CCDC15: variants seen among roughly 807,000 people sequenced by gnomAD.
CCDC15 encodes the protein coiled-coil domain containing 15, also known as coiled-coil domain-containing protein 15.
CCDC15 carries 105 observed loss-of-function variants against 114.5 expected under a neutral mutation model. That is an observed-to-expected ratio of 0.92 (90% CI 0.78 to 1.08). The LOEUF (loss-of-function observed/expected upper bound fraction) is 1.08. Ranked by LOEUF, CCDC15 falls within the 50% of genes least tolerant of loss-of-function variation. The probability of loss-of-function intolerance (pLI) is 0.00; values close to 1 mark genes in which losing one functional copy is unlikely to be tolerated. For synonymous variants in CCDC15, 334 were observed against 377.8 expected, an observed-to-expected ratio of 0.88 and a Z score of 1.34; for missense variants, 1,105 against 1,093.6, an observed-to-expected ratio of 1.01 and a Z score of -0.15.
At chr11:125,018,333 A>G (rs1591610296) in intron 13 of CCDC15, among the ~76,000 whole-genome samples, 1 of 152,098 alleles carries the variant, frequency 6.6e-6, no homozygotes, top group Non-Finnish European at 1.5e-5. Flanking sequence ...GTAGCCAAGG[A>G]ACAATGAGGC....
At chr11:125,039,689 C>T (rs1948802551) in intron 15 of CCDC15, 3 of 152,132 alleles carry the variant, frequency 2.0e-5, no homozygotes, top group Admixed American at 2.0e-4. Context: ...ATACAAGTTT[C>T]TTATCAGCTT....
At chr11:125,026,734 C>A (rs1471963563) in intron 13 of CCDC15, among the ~76,000 whole-genome samples, 3 of 151,964 alleles carry the variant, frequency 2.0e-5, no homozygotes, top group African/African-American at 7.3e-5. Flanking sequence ...TTTATTTATT[C>A]TTTAAATTTT....
At chr11:125,029,498 T>A (rs1379099692) in intron 13 of CCDC15, among the ~76,000 whole-genome samples, 1 of 152,242 alleles carries the variant, frequency 6.6e-6, no homozygotes, top group Non-Finnish European at 1.5e-5. Flanking sequence ...ATAAATCTTA[T>A]GTTACATGAT....
chr11:125,028,409 C>T (rs1948718981), intron 13 of CCDC15, among the ~76,000 whole-genome samples: 1 of 152,028 alleles, frequency 6.6e-6, no homozygotes, highest in African/African-American at 2.4e-5. Flanking sequence ...GATGTGTTTC[C>T]ATTTGTTTGT....
chr11:124,998,479 C>T (rs560145529), intron 11 of CCDC15, among the ~76,000 whole-genome samples: 1 of 152,074 alleles, frequency 6.6e-6, no homozygotes, highest in Non-Finnish European at 1.5e-5. Context: ...ACCTTTTTGT[C>T]TCTATCTCTT....
At chr11:124,990,590 T>G (rs1036042412) in intron 8 of CCDC15, among the ~76,000 whole-genome samples, 1 of 152,362 alleles carries the variant, frequency 6.6e-6, no homozygotes, top group South Asian at 2.1e-4. Context: ...GTTTCTTGAT[T>G]GATTTCTCAA....
At chr11:125,026,187 A>G (rs1174253032) in intron 13 of CCDC15, among the ~76,000 whole-genome samples, 1 of 152,172 alleles carries the variant, frequency 6.6e-6, no homozygotes, top group Middle Eastern at 3.2e-3. Context: ...AAGTTTATTT[A>G]TGACCCCAGA....
chr11:124,995,163 CTCT>C (rs1404521887), intron 11 of CCDC15, among the ~76,000 whole-genome samples: 1 of 152,086 alleles, frequency 6.6e-6, no homozygotes, highest in Admixed American at 6.6e-5. Context: ...ATGTTGTTTC[CTCT>C]TGTCTGGGTA....
intron 13 of CCDC15, among the ~76,000 whole-genome samples, chr11:125,012,851 T>C (rs1320744929): frequency 6.6e-6 from 1 of 152,148 alleles, no homozygotes; most frequent in Non-Finnish European, 1.5e-5. Flanking sequence ...AATATAAAAC[T>C]AGAATATATG....
chr11:125,035,805 C>G (rs1186176172), intron 13 of CCDC15, among the ~76,000 whole-genome samples: 1 of 152,084 alleles, frequency 6.6e-6, no homozygotes, highest in East Asian at 1.9e-4. Context: ...TTGTTTTAAA[C>G]TGATGACAAC....
chr11:124,981,939 T>C (rs1948079428), intron 6 of CCDC15, among the ~76,000 whole-genome samples: 1 of 152,202 alleles, frequency 6.6e-6, no homozygotes, highest in Non-Finnish European at 1.5e-5. Context: ...TTCATAGGTT[T>C]CTAAGAACTT....
intron 13 of CCDC15, among the ~76,000 whole-genome samples, chr11:125,020,804 A>G (rs1591611074): frequency 6.6e-6 from 1 of 151,972 alleles, no homozygotes; most frequent in Admixed American, 6.6e-5. Flanking sequence ...TGTTTATAGA[A>G]TAATTGTTTT....
At position 125,009,219 on chromosome 11, in the gene CCDC15, C is replaced by G. The variant is rs1222910126; in HGVS notation, c.2411+4007C>G. Among the ~76,000 whole-genome samples, 9 of 57,216 alleles carry G rather than the reference C, an allele frequency of 1.6e-4. No homozygotes were observed. In the East Asian group the frequency reaches 4.6e-3, roughly 29 times the overall value. 37.5% of individuals were successfully genotyped at this position (57,216 alleles called of 152,430 possible). Reference sequence around the variant, plus strand: ...TCCAGCCTGGGCAATAAGAGCGAAACTCCGTCTCAAAAAAAAAAAAAAAGT... The same window carrying G: ...TCCAGCCTGGGCAATAAGAGCGAAAGTCCGTCTCAAAAAAAAAAAAAAAGT... On this transcript the variant is annotated intron_variant, in intron 13 of 15. Transcript: ENST00000344762.
Position 124,977,580 on chromosome 11 carries a change from C to A in CCDC15, c.733C>A (p.Gln245Lys). Residue 245 changes from glutamine (Q) to lysine (K), a missense_variant, in exon 6 of 16, where the codon CAG becomes AAG. Gln to Lys is a moderately conservative substitution (Grantham distance 53). Coordinates refer to ENST00000344762, the MANE Select transcript of CCDC15 (RefSeq NM_025004.3). ...HQGLLAAVPYQNYMENQELDY... is the reference protein window; with the variant it reads ...HQGLLAAVPYKNYMENQELDY... ...AGGTCTTTTAGCTGCTGTACCTTAC[C>A]AGAATTATATGGAAAATCAGGTAGG... 1.9e-6 allele frequency: 3 copies of A among 1,603,582 alleles called. No homozygotes were observed. The highest frequency in any genetic ancestry group is 2.6e-6 in the Non-Finnish European group (3 of 1,175,178).
At chr11:125,027,445 G>C (rs1281074983) in intron 13 of CCDC15, among the ~76,000 whole-genome samples, 1 of 152,016 alleles carries the variant, frequency 6.6e-6, no homozygotes, top group Admixed American at 6.6e-5. Flanking sequence ...CAGGAGTAAG[G>C]TGATACCTCA....
chr11:124,955,404 A>C (rs1254905932), intron 2 of CCDC15, among the ~76,000 whole-genome samples: 1 of 152,246 alleles, frequency 6.6e-6, no homozygotes, highest in Non-Finnish European at 1.5e-5. Flanking sequence ...AGAAAGTCTA[A>C]CTAGAAATTC....
intron 4 of CCDC15, among the ~76,000 whole-genome samples, chr11:124,967,084 C>T (rs561660843): frequency 2.4e-4 from 37 of 152,276 alleles, no homozygotes; most frequent in African/African-American, 8.9e-4. Context: ...TCCTTCATTT[C>T]AACCTTGGTG....
intron 13 of CCDC15, among the ~76,000 whole-genome samples, chr11:125,021,405 G>GC (rs762444860): frequency 2.0e-5 from 3 of 151,630 alleles, no homozygotes; most frequent in Non-Finnish European, 4.4e-5. Context: ...TTTTCTAACT[G>GC]CCCCCCAATA....
intron 12 of CCDC15, among the ~76,000 whole-genome samples, chr11:125,004,549 G>A (rs76351190): frequency 0.063 from 9,563 of 151,980 alleles, 366 homozygotes; most frequent in African/African-American, 0.1. Context: ...TTTGCTCATC[G>A]AATAGCTTGT....
Sources: gnomAD v4.1 joint callset for allele counts (sites outside exome capture counted in the v4.1 genomes callset) on GRCh38, gnomAD v4.1.1 for gene constraint, MANE v1.5 for transcripts, NCBI Gene and HGNC (gene_info 2026-07-23, HGNC 2026-07-21) for gene names.